The following SETBP1 variants were observed in gnomAD, a reference collection of about 807,000 sequenced individuals.
SETBP1 encodes SET-binding protein.
A neutral mutation model predicts 101.0 loss-of-function variants in SETBP1; 9 were observed. That is an observed-to-expected ratio of 0.09 (90% CI 0.05 to 0.16). SETBP1 has a LOEUF of 0.16. Among genes scored for constraint, SETBP1 ranks in the 10% least tolerant of loss-of-function variants. The pLI, the probability that SETBP1 is intolerant of heterozygous loss-of-function variation, is 1.00. For synonymous variants in SETBP1, 818 were observed against 788.5 expected (o/e 1.04, Z -0.63); for missense variants, 1,858 against 2,033.8 (o/e 0.91, Z 1.66).
intron 3 of SETBP1, chr18:44,869,539 T>C (rs146843495): frequency 1.9e-5 from 9 of 469,012 alleles, no homozygotes; most frequent in African/African-American, 3.9e-5. Flanking sequence ...ATCAAGATGC[T>C]CGGAATGTTA....
rs981756715 is a variant in SETBP1, at chr18:45,048,948, C to T, written c.4171+10293C>T. On this transcript the variant is annotated intron_variant, in intron 5 of 5. Transcript: ENST00000649279. Reference sequence around the variant, plus strand: ...GATTGCGCCACTGCAGTCCGCAGTCCGGCCTGGGCGACAGAGCGAGACTCC... The same window carrying T: ...GATTGCGCCACTGCAGTCCGCAGTCTGGCCTGGGCGACAGAGCGAGACTCC... Among the ~76,000 whole-genome samples the T allele has an allele frequency of 7.9e-5, 10 of 127,244 alleles. No individual in the cohort carries two copies. The Admixed American group carries it at 8.3e-4, about 11-fold the overall frequency. 83.5% of individuals were successfully genotyped at this position (127,244 alleles called of 152,430 possible).
Position 44,950,601 on chromosome 18 carries a change from A to G in SETBP1, c.1261A>G (p.Arg421Gly). 6.2e-7 allele frequency: 1 copy of G among 1,614,114 alleles called. No individual in the cohort carries two copies. Among genetic ancestry groups the G allele is most frequent in the South Asian group, 1.1e-5 (1 of 91,076 alleles). The change falls in exon 4 of 6, where the codon AGA becomes GGA. Residue 421 changes from arginine (R) to glycine (G), a missense_variant. Around this residue, in one of 12 missense-constraint regions of SETBP1, gnomAD observed 581 missense variants for 535.1 expected, o/e 1.09. Coordinates refer to ENST00000649279, the MANE Select transcript of SETBP1 (RefSeq NM_015559.3). ...TCCAACCAACCATAAGAGGAAAAAA[A>G]GACAGTCCATTAAAGCGGTGGTGGA... ...LDPTNHKRKK[R>G]QSIKAVVEKI... is the part of the protein sequence containing the mutation.
chr18:45,038,239 C>T (rs775799532), intron 4 of SETBP1, among the ~76,000 whole-genome samples: 6 of 152,190 alleles, frequency 3.9e-5, no homozygotes, highest in Non-Finnish European at 8.8e-5. Context: ...TTCATTAGGC[C>T]TATGCTGTGA....
At chr18:44,997,678 A>G (rs1265950569) in intron 4 of SETBP1, among the ~76,000 whole-genome samples, 2 of 152,216 alleles carry the variant, frequency 1.3e-5, no homozygotes, top group African/African-American at 4.8e-5. Flanking sequence ...GTAAATAACA[A>G]TTAGCAATAA....
At chr18:44,981,183 G>A (rs192104533) in intron 4 of SETBP1, among the ~76,000 whole-genome samples, 14 of 152,284 alleles carry the variant, frequency 9.2e-5, no homozygotes, top group South Asian at 4.1e-4. Flanking sequence ...AATTCCAGCC[G>A]TAACATCCTG....
Position 44,701,770 on chromosome 18 carries a change from T to C in SETBP1, c.424T>C (p.Ser142Pro), listed in dbSNP as rs748794020. 4.3e-6 allele frequency: 7 copies of C among 1,613,348 alleles called. No individual in the cohort carries two copies. The East Asian group carries it at 1.3e-4, about 31-fold the overall frequency. ...CAAGCAGTCTGGGGACCAGAAGGTG[T>C]CCCGTGCTGGAAAAAATAGCAAAGC... ...TIKQSGDQKVSRAGKNSKATK... is the reference protein window; with the variant it reads ...TIKQSGDQKVPRAGKNSKATK... Residue 142 changes from serine to proline, a missense_variant, in exon 2 of 6, where the codon TCC becomes CCC. This residue lies in a region of SETBP1 where 581 missense variants were observed against 535.1 expected (regional missense o/e 1.09). Coordinates refer to ENST00000649279, the MANE Select transcript of SETBP1 (RefSeq NM_015559.3).
chr18:45,050,015 AC>A (rs2073695711), intron 5 of SETBP1, among the ~76,000 whole-genome samples: 1 of 152,168 alleles, frequency 6.6e-6, no homozygotes, highest in African/African-American at 2.4e-5. Context: ...TGCCTTCACA[AC>A]TTCTGAGATG....
At chr18:44,763,854 C>T (rs2070709876) in intron 2 of SETBP1, among the ~76,000 whole-genome samples, 1 of 152,140 alleles carries the variant, frequency 6.6e-6, no homozygotes, top group Non-Finnish European at 1.5e-5. Context: ...CTTTGCTGGT[C>T]CCTCTTTATC....
At chr18:45,013,261 T>TC (rs2145386344) in intron 4 of SETBP1, among the ~76,000 whole-genome samples, 1 of 152,292 alleles carries the variant, frequency 6.6e-6, no homozygotes, top group African/African-American at 2.4e-5. Context: ...CTGCTCTACC[T>TC]TTGATAACAC....
chr18:45,002,127 C>T (rs916134817), intron 4 of SETBP1, among the ~76,000 whole-genome samples: 2 of 152,156 alleles, frequency 1.3e-5, no homozygotes, highest in African/African-American at 4.8e-5. Flanking sequence ...AGTTCCCTGG[C>T]TCCCTGCCCT....
intron 3 of SETBP1, among the ~76,000 whole-genome samples, chr18:44,943,865 C>T (rs1383384114): frequency 6.7e-6 from 1 of 148,868 alleles, no homozygotes; most frequent in Non-Finnish European, 1.5e-5. Context: ...GACAGAGTCT[C>T]TCTCTGTTGC....
intron 3 of SETBP1, among the ~76,000 whole-genome samples, chr18:44,940,097 A>T (rs565419178): frequency 7.9e-5 from 12 of 152,180 alleles, no homozygotes; most frequent in Non-Finnish European, 1.6e-4. Context: ...CTTCTTGGTA[A>T]ATTGACTCTA....
At position 45,064,546 on chromosome 18, in the gene SETBP1, C is replaced by T. The variant is rs976940229; in HGVS notation, c.*848C>T. On this transcript the variant is annotated 3_prime_UTR_variant, in exon 6 of 6. Transcript: ENST00000649279. ...GGTTTGAATCCCAATCGTTGTGAAA[C>T]ATACTCAGTATTGATAAAACCTTTT... is the stretch of plus-strand genomic sequence containing the variant. The T allele has an allele frequency of 6.6e-6, 1 of 152,016 alleles. No individual in the cohort carries two copies. Among genetic ancestry groups the T allele is most frequent in the Non-Finnish European group, 1.5e-5 (1 of 68,004 alleles). 9.4% of individuals were successfully genotyped at this position (152,016 alleles called of 1,614,324 possible). A position where few individuals can be genotyped will look rare whatever the true frequency, so the allele number is the denominator to read the frequency against.
chr18:44,904,194 A>G (rs2144846068), intron 3 of SETBP1, among the ~76,000 whole-genome samples: 1 of 152,314 alleles, frequency 6.6e-6, no homozygotes, highest in Non-Finnish European at 1.5e-5. Context: ...CAATGACACT[A>G]TCGCTTTTTC....
At chr18:44,747,761 G>A (rs2070290906) in intron 2 of SETBP1, among the ~76,000 whole-genome samples, 1 of 152,248 alleles carries the variant, frequency 6.6e-6, no homozygotes, top group Admixed American at 6.5e-5. Flanking sequence ...GTTCAACAAA[G>A]CTAATCTGAT....
chr18:45,009,303 T>C (rs1044488949), intron 4 of SETBP1, among the ~76,000 whole-genome samples: 14 of 150,950 alleles, frequency 9.3e-5, no homozygotes, highest in African/African-American at 3.2e-4. Context: ...GTTAGCAGCT[T>C]AGCCTTGGAG....
intron 3 of SETBP1, among the ~76,000 whole-genome samples, chr18:44,945,289 A>AT (rs1245039271): frequency 1.3e-5 from 2 of 152,248 alleles, no homozygotes; most frequent in Admixed American, 6.5e-5. Context: ...ACAAGAAAAA[A>AT]ACAACCCCAT....
At chr18:44,804,538 G>A (rs1028800710) in intron 2 of SETBP1, among the ~76,000 whole-genome samples, 6 of 152,094 alleles carry the variant, frequency 3.9e-5, no homozygotes, top group Non-Finnish European at 7.4e-5. Flanking sequence ...ATTTGGTTTT[G>A]GGATCTGGGT....
At chr18:44,917,469 C>T (rs1436657961) in intron 3 of SETBP1, among the ~76,000 whole-genome samples, 1 of 152,144 alleles carries the variant, frequency 6.6e-6, no homozygotes, top group Non-Finnish European at 1.5e-5. Context: ...CCAAGGGTTA[C>T]AAAGCTTTAA....
Sources: allele counts gnomAD v4.1 joint callset (sites outside exome capture counted in the v4.1 genomes callset), GRCh38; gene constraint gnomAD v4.1.1; regional missense constraint gnomAD v4.1.1; transcripts MANE v1.5; gene names NCBI Gene and HGNC (gene_info 2026-07-23, HGNC 2026-07-21).